The following ARMC9 variants were observed in gnomAD, a reference collection of about 807,000 sequenced individuals.
ARMC9 encodes the protein armadillo repeat containing 9, also known as lisH domain-containing protein ARMC9.
In ARMC9, 94 loss-of-function variants were observed where a neutral mutation model predicts 107.0. That is an observed-to-expected ratio of 0.88 (90% CI 0.74 to 1.04). ARMC9 has a LOEUF of 1.04. Ranked by LOEUF, ARMC9 falls within the 50% of genes least tolerant of loss-of-function variation. The pLI is 0.00. For synonymous variants in ARMC9, 380 were observed against 396.9 expected (o/e 0.96, Z 0.51); for missense variants, 942 against 1,030.1 (o/e 0.91, Z 1.17).
intron 20 of ARMC9, among the ~76,000 whole-genome samples, chr2:231,332,331 T>TG (rs1188275573): frequency 1.4e-5 from 2 of 142,074 alleles, no homozygotes; most frequent in African/African-American, 5.2e-5. Flanking sequence ...GGAGAGAGAG[T>TG]GGGGGCTGAG....
intron 13 of ARMC9, 85 bp from the exon 14 acceptor site, chr2:231,272,870 G>T: frequency 1.3e-6 from 2 of 1,507,422 alleles, no homozygotes; most frequent in Non-Finnish European, 1.8e-6. Flanking sequence ...TATATGCAAA[G>T]TAAGTTTTCG....
intron 11 of ARMC9, among the ~76,000 whole-genome samples, chr2:231,260,999 T>C (rs996062230): frequency 2.0e-5 from 3 of 152,142 alleles, no homozygotes; most frequent in South Asian, 2.1e-4. Context: ...ACCCTGGCCA[T>C]GGTCATCACA....
Position 231,337,472 on chromosome 2 carries a change from T to G in ARMC9, c.1878+5575T>G, listed in dbSNP as rs1184951068. 3.9e-5 allele frequency among the ~76,000 whole-genome samples: 5 copies of G among 128,406 alleles called. No individual in the cohort carries two copies. In the East Asian group the frequency reaches 6.0e-4, roughly 16 times the overall value. 84.2% of individuals were successfully genotyped at this position (128,406 alleles called of 152,430 possible). A position where few individuals can be genotyped will look rare whatever the true frequency, so the allele number is the denominator to read the frequency against. On this transcript the variant is annotated intron_variant, in intron 20 of 24. Transcript: ENST00000611582. ...CCACCACGCCCGGCTAATTTTTGTT[T>G]TTTTTTTTTTTTTTTGAGACAGAGT...
At chr2:231,302,194 T>C (rs1575008074) in intron 19 of ARMC9, among the ~76,000 whole-genome samples, 1 of 152,122 alleles carries the variant, frequency 6.6e-6, no homozygotes, top group East Asian at 1.9e-4. Flanking sequence ...TCTCCAATTT[T>C]TGGTTTCAGG....
At chr2:231,251,141 G>T (rs564639481) in intron 9 of ARMC9, among the ~76,000 whole-genome samples, 2 of 152,106 alleles carry the variant, frequency 1.3e-5, no homozygotes, top group East Asian at 1.9e-4. Context: ...GAGTGAAGAG[G>T]CCACTTTTTT....
chr2:231,202,003 CT>C (rs5839391), intron 1 of ARMC9, among the ~76,000 whole-genome samples: 35,374 of 134,832 alleles, frequency 0.26, 5,947 homozygotes, highest in East Asian at 0.54. Context: ...TTCTTTCTTT[CT>C]TTTTTTTTTT....
At chr2:231,302,323 ATAACT>A (rs1348007088) in intron 19 of ARMC9, among the ~76,000 whole-genome samples, 3 of 151,820 alleles carry the variant, frequency 2.0e-5, no homozygotes, top group South Asian at 2.1e-4. Flanking sequence ...AAAATATTAA[ATAACT>A]TAAAATGGCA....
chr2:231,214,409 CA>C (rs2033259737), intron 3 of ARMC9, among the ~76,000 whole-genome samples: 1 of 152,232 alleles, frequency 6.6e-6, no homozygotes, highest in Non-Finnish European at 1.5e-5. Flanking sequence ...GCCATGCTGT[CA>C]GCAACCTTCC....
chr2:231,225,009 A>G (rs1220106779), intron 6 of ARMC9, among the ~76,000 whole-genome samples: 1 of 152,260 alleles, frequency 6.6e-6, no homozygotes, highest in Non-Finnish European at 1.5e-5. Flanking sequence ...GCCAAGTCCT[A>G]TAAGGAATAA....
chr2:231,326,974 C>T (rs1258373094), intron 19 of ARMC9, among the ~76,000 whole-genome samples: 3 of 152,122 alleles, frequency 2.0e-5, no homozygotes. Flanking sequence ...TGATGGCCTG[C>T]CCTCCCCCTG....
chr2:231,289,102 A>ATGTG (rs2040812445), intron 17 of ARMC9, among the ~76,000 whole-genome samples: 3 of 152,332 alleles, frequency 2.0e-5, no homozygotes, highest in South Asian at 4.1e-4. Context: ...TCAGGATAAG[A>ATGTG]TGTGGTTGTT....
Position 231,375,827 on chromosome 2 carries a change from A to G in ARMC9, c.*4292A>G, listed in dbSNP as rs371289387. On this transcript the variant is annotated 3_prime_UTR_variant, in exon 25 of 25. Transcript: ENST00000611582. This position sits in a 1 kb window ranked among gnomAD's most constrained non-coding sequence, Gnocchi z 4.3. ...AGAAGGGGGACTAGAGAAATAGGAA[A>G]CTGGGGACAGAACCCGGGGGTGAGA... 1.3e-5 allele frequency among the ~76,000 whole-genome samples: 2 copies of G among 152,102 alleles called. No homozygotes were observed. Among genetic ancestry groups the G allele is most frequent in the South Asian group, 4.2e-4 (2 of 4,818 alleles).
chr2:231,292,037 G>A (rs1020314155), intron 18 of ARMC9, among the ~76,000 whole-genome samples: 3 of 148,302 alleles, frequency 2.0e-5, no homozygotes, highest in East Asian at 2.0e-4. Context: ...GCGTGGTGGC[G>A]CATGCCTGTA....
intron 19 of ARMC9, among the ~76,000 whole-genome samples, chr2:231,309,520 GTTTCTATCCAT>G (rs894507315): frequency 1.3e-5 from 2 of 151,868 alleles, no homozygotes; most frequent in Non-Finnish European, 2.9e-5. Context: ...AAATAAATAC[GTTTCTATCCAT>G]TTGATCAAAT....
chr2:231,286,327 G>C (rs2040589114), intron 17 of ARMC9, among the ~76,000 whole-genome samples: 1 of 152,140 alleles, frequency 6.6e-6, no homozygotes, highest in Admixed American at 6.5e-5. Flanking sequence ...TGTTGGCCAG[G>C]CTGGTCTCAA....
intron 10 of ARMC9, among the ~76,000 whole-genome samples, chr2:231,258,629 A>G (rs1433837617): frequency 1.3e-5 from 2 of 152,194 alleles, no homozygotes; most frequent in Admixed American, 1.3e-4. Flanking sequence ...ATTATGTCCA[A>G]AATTCTAAAC....
At chr2:231,337,290 ATTTTTTT>A (rs58078324) in intron 20 of ARMC9, among the ~76,000 whole-genome samples, 6 of 38,028 alleles carry the variant, frequency 1.6e-4, no homozygotes, top group Admixed American at 4.1e-4. Context: ...ATATATATAT[ATTTTTTT>A]TTTTTTTTTT....
intron 4 of ARMC9, among the ~76,000 whole-genome samples, chr2:231,216,392 CA>C (rs2033501774): frequency 6.6e-6 from 1 of 152,042 alleles, no homozygotes; most frequent in African/African-American, 2.4e-5. Flanking sequence ...GAGAAAATGG[CA>C]ATAATAAAGT....
chr2:231,337,261 C>CGT lies in ARMC9; in HGVS notation c.1878+5373_1878+5374dup, dbSNP rs1491364092. On this transcript the variant is annotated intron_variant, in intron 20 of 24. Transcript: ENST00000611582. Reference sequence around the variant, plus strand: ...TGTTGGAACTGACTCAATGTCTATACGTGTGTGTGTATATATATATATATA... The same window carrying CGT: ...TGTTGGAACTGACTCAATGTCTATACGTGTGTGTGTGTATATATATATATATA... Among the ~76,000 whole-genome samples the CGT allele has an allele frequency of 2.2e-3, 257 of 118,862 alleles. 3 individuals carry two copies. Among genetic ancestry groups the CGT allele is most frequent in the African/African-American group, 7.5e-3 (222 of 29,788 alleles). 78.0% of individuals were successfully genotyped at this position (118,862 alleles called of 152,430 possible). A position where few individuals can be genotyped will look rare whatever the true frequency, so the allele number is the denominator to read the frequency against.
Sources: allele counts gnomAD v4.1 joint callset (sites outside exome capture counted in the v4.1 genomes callset), GRCh38; gene constraint gnomAD v4.1.1; non-coding constraint Gnocchi (gnomAD v3.1); transcripts MANE v1.5; gene names NCBI Gene and HGNC (gene_info 2026-07-23, HGNC 2026-07-21).